SPPL3: variants seen among roughly 807,000 people sequenced by gnomAD.
SPPL3 encodes the protein signal peptide peptidase like 3, also known as signal peptide peptidase-like 3.
Under a neutral mutation model 42.4 loss-of-function variants are expected in SPPL3, and 5 were observed. The observed-to-expected ratio is 0.12, with a 90% CI of 0.06 to 0.25. SPPL3 has a LOEUF of 0.25. Among genes scored for constraint, SPPL3 ranks in the 10% least tolerant of loss-of-function variants. SPPL3 has a pLI of 1.00. For synonymous variants in SPPL3, 195 were observed against 181.8 expected (o/e 1.07, Z -0.58); for missense variants, 235 against 489.0 (o/e 0.48, Z 4.90).
In SPPL3 at chr12:120,810,983, TTTTATC is replaced by T. The variant is rs771408958; in HGVS notation, c.24-103_24-98del. ...TTCTATAAACCCCACTGAGCTTTGT[TTTTATC>T]TTTAAGAAGGAAAAAAGGTATAAAT... is the stretch of plus-strand genomic sequence containing the variant. On this transcript the variant is annotated intron_variant, in intron 1 of 10. Coordinates refer to ENST00000353487, the MANE Select transcript of SPPL3 (RefSeq NM_139015.5). The T allele has an allele frequency of 8.9e-5, 65 of 728,402 alleles. 1 individual carries two copies. Among genetic ancestry groups the T allele is most frequent in the South Asian group, 6.9e-4 (29 of 42,266 alleles). The allele number at this position is 728,402 out of a possible 1,614,324, so 45.1% of individuals were successfully genotyped here.
At chr12:120,766,413 C>A in intron 9 of SPPL3, 41 bp from the exon 10 acceptor site, 2 of 1,499,826 alleles carry the variant, frequency 1.3e-6, no homozygotes, top group Non-Finnish European at 1.8e-6. Flanking sequence ...CGAGAGGGAA[C>A]CCGTGTCACC....
At chr12:120,812,875 T>C (rs946213289) in intron 1 of SPPL3, among the ~76,000 whole-genome samples, 3 of 152,166 alleles carry the variant, frequency 2.0e-5, no homozygotes, top group Non-Finnish European at 4.4e-5. Flanking sequence ...GGAATTCATA[T>C]AAAGAACATA....
At position 120,767,398 on chromosome 12, in the gene SPPL3, A is replaced by G. The variant is rs200655775; in HGVS notation, c.969T>C (p.Phe323=). ...CAGTCTCTCTGGTTCTCTTACCTACAAAGTATCCGATGAGGGTGCAGTGAA... is the reference window on the plus strand; with the variant it reads ...CAGTCTCTCTGGTTCTCTTACCTACGAAGTATCCGATGAGGGTGCAGTGAA... ...SYFHCTLIGY[F]VGLLTATVAS... is the part of the protein sequence containing the mutation. The change falls in exon 9 of 11, where the codon TTT becomes TTC. Residue 323 remains phenylalanine (F), a synonymous_variant. Coordinates refer to ENST00000353487, the MANE Select transcript of SPPL3 (RefSeq NM_139015.5). 1,401 of 1,612,274 alleles carry G rather than the reference A, an allele frequency of 8.7e-4. 31 individuals are homozygous for G. In the South Asian group the frequency reaches 0.014, roughly 16 times the overall value.
intron 1 of SPPL3, among the ~76,000 whole-genome samples, chr12:120,878,354 T>C (rs1873176627): frequency 6.6e-6 from 1 of 152,082 alleles, no homozygotes; most frequent in South Asian, 2.1e-4. Flanking sequence ...TTGGGAAAAC[T>C]TGGAAAAATA....
At chr12:120,779,790 C>T (rs1265604188) in intron 6 of SPPL3, among the ~76,000 whole-genome samples, 9 of 120,182 alleles carry the variant, frequency 7.5e-5, no homozygotes, top group Admixed American at 3.6e-4. Context: ...GCCTGGCCAA[C>T]GTGGCGAAAC....
At chr12:120,850,061 C>T (rs1872172309) in intron 1 of SPPL3, among the ~76,000 whole-genome samples, 2 of 152,108 alleles carry the variant, frequency 1.3e-5, no homozygotes, top group Non-Finnish European at 2.9e-5. Context: ...GAAATACTAC[C>T]CTCTGGAGTG....
chr12:120,815,353 A>G (rs1163831556), intron 1 of SPPL3, among the ~76,000 whole-genome samples: 1 of 152,212 alleles, frequency 6.6e-6, no homozygotes, highest in Non-Finnish European at 1.5e-5. Context: ...TTTGCATTAA[A>G]ATTGTAATTA....
chr12:120,794,639 G>A lies in SPPL3; in HGVS notation c.102-3082C>T, dbSNP rs139707733. Among the ~76,000 whole-genome samples the A allele has an allele frequency of 2.8e-4, 42 of 152,080 alleles. No homozygotes were observed. The East Asian group carries it at 4.6e-3, about 17-fold the overall frequency. ...TCTCGAACTCCTGACCTCATGATCC[G>A]CCTGCCCTGACCTCCCAAAGTGCTG... On this transcript the variant is annotated intron_variant, in intron 2 of 10. Coordinates refer to ENST00000353487, the MANE Select transcript of SPPL3 (RefSeq NM_139015.5).
intron 1 of SPPL3, among the ~76,000 whole-genome samples, chr12:120,831,530 G>A (rs1019064459): frequency 6.6e-6 from 1 of 152,116 alleles, no homozygotes; most frequent in African/African-American, 2.4e-5. Context: ...CACTGTTTAT[G>A]CCACTGTTTA....
chr12:120,844,178 A>C (rs181058726), intron 1 of SPPL3, among the ~76,000 whole-genome samples: 4 of 152,106 alleles, frequency 2.6e-5, no homozygotes, highest in South Asian at 2.1e-4. Flanking sequence ...CTTTCCCCCC[A>C]GTTTTCACTG....
chr12:120,817,320 T>G (rs1482981551), intron 1 of SPPL3, among the ~76,000 whole-genome samples: 1 of 152,128 alleles, frequency 6.6e-6, no homozygotes, highest in Admixed American at 6.5e-5. Context: ...GTCTGTATTT[T>G]TATATTGTTT....
At chr12:120,805,428 T>C (rs145965221) in intron 2 of SPPL3, among the ~76,000 whole-genome samples, 93 of 152,314 alleles carry the variant, frequency 6.1e-4, no homozygotes, top group African/African-American at 2.1e-3. Flanking sequence ...AACTACATAC[T>C]TAATGGGAAA....
chr12:120,776,317 G>A (rs1245330350), intron 6 of SPPL3, among the ~76,000 whole-genome samples: 2 of 152,148 alleles, frequency 1.3e-5, no homozygotes, highest in East Asian at 1.9e-4. Context: ...ACTTCTGATA[G>A]CGGCCACTGG....
intron 2 of SPPL3, among the ~76,000 whole-genome samples, chr12:120,804,563 G>A (rs1385165989): frequency 6.6e-6 from 1 of 152,156 alleles, no homozygotes; most frequent in Non-Finnish European, 1.5e-5. Context: ...CACCAGAACA[G>A]TAGAATAGCT....
At chr12:120,772,580 G>A (rs1201315064) in intron 6 of SPPL3, among the ~76,000 whole-genome samples, 1 of 152,144 alleles carries the variant, frequency 6.6e-6, no homozygotes, top group Non-Finnish European at 1.5e-5. Flanking sequence ...TTATTCTAAG[G>A]AAAGTAAAAA....
In SPPL3 at chr12:120,784,532, A is replaced by G; in HGVS notation, c.252T>C (p.Leu84=). The G allele has an allele frequency of 6.2e-7, 1 of 1,613,194 alleles. No individual in the cohort carries two copies. The highest frequency in any genetic ancestry group is 8.5e-7 in the Non-Finnish European group (1 of 1,179,304). ...AGTCAAAGAAGAAGAACATTACTAA[A>G]AGAGAGACAGATGCTCCAATTGGAA... is the stretch of plus-strand genomic sequence containing the variant. ...LFLPIGASVS[L]LVMFFFFDSV... The change falls in exon 4 of 11, where the codon CTT becomes CTC. Residue 84 remains leucine (L), a synonymous_variant. Transcript: ENST00000353487.
At chr12:120,888,678 TAC>T (rs1241348305) in intron 1 of SPPL3, among the ~76,000 whole-genome samples, 38 of 152,336 alleles carry the variant, frequency 2.5e-4, no homozygotes, top group Admixed American at 1.0e-3. Context: ...TGCTAATATG[TAC>T]AGTTTCTTTT....
chr12:120,897,726 AAATAAT>A (rs1339115370), intron 1 of SPPL3, among the ~76,000 whole-genome samples: 1 of 152,124 alleles, frequency 6.6e-6, no homozygotes, highest in East Asian at 1.9e-4. Flanking sequence ...CCGTCTCAAA[AAATAAT>A]AATAATAATG....
At chr12:120,839,400 C>T (rs1486503218) in intron 1 of SPPL3, among the ~76,000 whole-genome samples, 2 of 149,298 alleles carry the variant, frequency 1.3e-5, no homozygotes, top group African/African-American at 4.9e-5. Flanking sequence ...GGAGATATAC[C>T]TAATGCTAAA....
Sources: allele counts gnomAD v4.1 joint callset (sites outside exome capture counted in the v4.1 genomes callset), GRCh38; gene constraint gnomAD v4.1.1; transcripts MANE v1.5; gene names NCBI Gene and HGNC (gene_info 2026-07-23, HGNC 2026-07-21).